Variants in NEK5 observed in about 807,000 individuals in gnomAD.
NEK5 encodes the protein serine/threonine-protein kinase Nek5.
Under a neutral mutation model 109.2 loss-of-function variants are expected in NEK5, and 88 were observed. The ratio of observed to expected loss-of-function variants is 0.81; its 90% CI spans 0.68 to 0.96. NEK5 has a LOEUF of 0.96. Among genes scored for constraint, NEK5 ranks in the 40% least tolerant of loss-of-function variants. NEK5 has a pLI of 0.00. For synonymous variants in NEK5, 283 were observed against 299.9 expected (o/e 0.94, Z 0.58); for missense variants, 834 against 920.7 (o/e 0.91, Z 1.22).
chr13:52,044,446 A>T (rs1032873910), intron 23 of NEK5, among the ~76,000 whole-genome samples: 1 of 152,220 alleles, frequency 6.6e-6, no homozygotes, highest in Non-Finnish European at 1.5e-5. Context: ...CACATACAGA[A>T]TATACACAAA....
chr13:52,108,274 A>G lies in NEK5; in HGVS notation c.554+44T>C, dbSNP rs760099674. On this transcript the variant is annotated intron_variant, in intron 8 of 23. Transcript: ENST00000684899. ...CTGGAATCTTCATTCAGTGTCATCC[A>G]TCAGATTTTACTGACACTTTCAAAC... The G allele has an allele frequency of 6.4e-6, 7 of 1,094,498 alleles. No individual in the cohort carries two copies. The Admixed American group carries it at 7.4e-5, about 12-fold the overall frequency. 67.8% of individuals were successfully genotyped at this position (1,094,498 alleles called of 1,614,324 possible).
intron 22 of NEK5, among the ~76,000 whole-genome samples, chr13:52,060,799 G>T (rs539419063): frequency 1.3e-5 from 2 of 152,232 alleles, no homozygotes; most frequent in African/African-American, 4.8e-5. Context: ...AGCTTTTCTT[G>T]TAGCACTTCA....
chr13:52,076,244 TA>T (rs1385945134), intron 17 of NEK5, 101 bp from the exon 18 acceptor site: 23 of 663,662 alleles, frequency 3.5e-5, no homozygotes, highest in Non-Finnish European at 2.0e-5. Context: ...AACAAGCTTT[TA>T]TAATGGAAAG....
chr13:52,039,991 T>C (rs1954399378), intron 23 of NEK5, among the ~76,000 whole-genome samples: 1 of 151,946 alleles, frequency 6.6e-6, no homozygotes, highest in East Asian at 1.9e-4. Flanking sequence ...AGGAAGCTTG[T>C]ATGCTCCTTC....
intron 12 of NEK5, among the ~76,000 whole-genome samples, chr13:52,094,538 C>T (rs1415628324): frequency 6.6e-6 from 1 of 152,160 alleles, no homozygotes; most frequent in Non-Finnish European, 1.5e-5. Context: ...AATCCCAGAA[C>T]TTTGGGAGGC....
At chr13:52,125,920 A>T (rs1344390008) in intron 3 of NEK5, among the ~76,000 whole-genome samples, 1 of 152,212 alleles carries the variant, frequency 6.6e-6, no homozygotes, top group Non-Finnish European at 1.5e-5. Flanking sequence ...ATTGGGAAAT[A>T]AATCATTATC....
intron 20 of NEK5, among the ~76,000 whole-genome samples, chr13:52,067,876 G>A (rs1382745705): frequency 6.6e-6 from 1 of 151,896 alleles, no homozygotes; most frequent in Admixed American, 6.6e-5. Context: ...ATTTTTAGTA[G>A]AGATGGGCTT....
At chr13:52,048,237 T>G (rs1020804814) in intron 23 of NEK5, among the ~76,000 whole-genome samples, 6 of 152,162 alleles carry the variant, frequency 3.9e-5, no homozygotes, top group African/African-American at 1.4e-4. Flanking sequence ...GAAACATCAC[T>G]GTGTATCCTA....
intron 17 of NEK5, 138 bp from the exon 18 acceptor site, chr13:52,076,281 G>T (rs760200421): frequency 3.6e-4 from 195 of 538,398 alleles, no homozygotes; most frequent in Non-Finnish European, 6.1e-4. Flanking sequence ...TAAAAACTTG[G>T]GCAGAGTATC....
intron 23 of NEK5, among the ~76,000 whole-genome samples, chr13:52,045,493 C>T (rs186749712): frequency 6.7e-6 from 1 of 149,660 alleles, no homozygotes; most frequent in East Asian, 2.0e-4. Context: ...GGGCCGAGCA[C>T]GGTGGCGCAC....
chr13:52,054,758 C>T, intron 22 of NEK5, among the ~76,000 whole-genome samples: 1 of 152,172 alleles, frequency 6.6e-6, no homozygotes, highest in East Asian at 1.9e-4. Context: ...AGAAGGAAAA[C>T]TAACAAACAG....
intron 7 of NEK5, among the ~76,000 whole-genome samples, chr13:52,108,769 A>C (rs1217804111): frequency 1.3e-5 from 2 of 152,236 alleles, no homozygotes; most frequent in African/African-American, 2.4e-5. Flanking sequence ...AGTTACCCAG[A>C]ATCTTAGCAC....
intron 8 of NEK5, 48 bp from the exon 9 acceptor site, chr13:52,104,600 A>T (rs766825835): frequency 7.5e-7 from 1 of 1,328,742 alleles, no homozygotes; most frequent in South Asian, 1.2e-5. Flanking sequence ...CATAATTCTT[A>T]ATAAAAGCTT....
At chr13:52,044,694 T>C (rs1954441428) in intron 23 of NEK5, among the ~76,000 whole-genome samples, 1 of 152,230 alleles carries the variant, frequency 6.6e-6, no homozygotes, top group Admixed American at 6.5e-5. Flanking sequence ...GAAGGGCTTA[T>C]ATCAAAAAGA....
At chr13:52,075,997 G>T in intron 18 of NEK5, 66 bp downstream of exon 18, 1 of 1,059,642 alleles carries the variant, frequency 9.4e-7, no homozygotes, top group Non-Finnish European at 1.4e-6. Context: ...GCAGGCAACC[G>T]AGATCACAAG....
chr13:52,090,497 C>T (rs996212304), intron 13 of NEK5, among the ~76,000 whole-genome samples: 1 of 152,164 alleles, frequency 6.6e-6, no homozygotes, highest in African/African-American at 2.4e-5. Flanking sequence ...GGTACCATTT[C>T]ACAGGAATTG....
At chr13:52,093,283 G>A in intron 12 of NEK5, 48 bp from the exon 13 acceptor site, 1 of 1,435,508 alleles carries the variant, frequency 7.0e-7, no homozygotes. Context: ...ATACAGGCTG[G>A]GTGCAGTGGC....
chr13:52,082,891 A>G (rs1955042763), intron 17 of NEK5, among the ~76,000 whole-genome samples: 1 of 152,168 alleles, frequency 6.6e-6, no homozygotes, highest in Non-Finnish European at 1.5e-5. Context: ...GCTCATGCCT[A>G]TAATCCCAGC....
At chr13:52,037,513 T>C (rs1954371160) in intron 23 of NEK5, among the ~76,000 whole-genome samples, 1 of 152,194 alleles carries the variant, frequency 6.6e-6, no homozygotes, top group South Asian at 2.1e-4. Context: ...CATCGAGCTC[T>C]TACTATATGT....
Sources: gnomAD v4.1 joint callset for allele counts (sites outside exome capture counted in the v4.1 genomes callset) on GRCh38, gnomAD v4.1.1 for gene constraint, MANE v1.5 for transcripts, NCBI Gene and HGNC (gene_info 2026-07-23, HGNC 2026-07-21) for gene names.